The following CPA6 variants were observed in gnomAD, a reference collection of about 807,000 sequenced individuals.
CPA6 encodes the protein carboxypeptidase B.
A neutral mutation model predicts 63.3 loss-of-function variants in CPA6; 58 were observed. The observed-to-expected ratio is 0.92, with a 90% CI of 0.74 to 1.14. The LOEUF (loss-of-function observed/expected upper bound fraction) is 1.14. Among genes scored for constraint, CPA6 ranks in the 50% most tolerant of loss-of-function variants. CPA6 has a pLI of 0.00. For synonymous variants in CPA6, 185 were observed against 179.0 expected (o/e 1.03, Z -0.27); for missense variants, 565 against 526.6 (o/e 1.07, Z -0.71).
At chr8:67,733,763 C>T (rs756279135) in intron 1 of CPA6, among the ~76,000 whole-genome samples, 1 of 101,214 alleles carries the variant, frequency 9.9e-6, no homozygotes, top group East Asian at 3.2e-4. Context: ...GAGTGGGGGG[C>T]GGTGGGGGCG....
In CPA6 at chr8:67,506,904, T is replaced by C. The variant is rs1811941404; in HGVS notation, c.535-16A>G. On this transcript the variant is annotated splice_polypyrimidine_tract_variant and intron_variant, in intron 5 of 10. Coordinates refer to ENST00000297770, the MANE Select transcript of CPA6 (RefSeq NM_020361.5). ...GTCTGCCCAGCTGAAAACAAGAGCA[T>C]TCACAGTAACCAACTCAGGCTTTTA... 6.3e-7 allele frequency: 1 copy of C among 1,581,004 alleles called. No homozygotes were observed. The highest frequency in any genetic ancestry group is 8.7e-7 in the Non-Finnish European group (1 of 1,149,992).
intron 2 of CPA6, among the ~76,000 whole-genome samples, chr8:67,560,160 G>GAT (rs6150633): frequency 0.027 from 3,788 of 139,952 alleles, 114 homozygotes; most frequent in African/African-American, 0.052. Flanking sequence ...TGTATTTCCG[G>GAT]ATATATATAT....
intron 2 of CPA6, among the ~76,000 whole-genome samples, chr8:67,586,327 C>T (rs1324499735): frequency 6.6e-6 from 1 of 152,068 alleles, no homozygotes; most frequent in East Asian, 1.9e-4. Flanking sequence ...TGGGGACTCA[C>T]AGGTGAAGTC....
At chr8:67,721,215 C>A (rs1436928738) in intron 1 of CPA6, among the ~76,000 whole-genome samples, 13 of 152,206 alleles carry the variant, frequency 8.5e-5, no homozygotes, top group African/African-American at 3.1e-4. Flanking sequence ...AAGGTCCTCT[C>A]GGACTTTGTT....
Position 67,746,307 on chromosome 8 carries a change from G to A in CPA6, c.-178C>T. 2.1e-6 allele frequency: 1 copy of A among 472,930 alleles called. No homozygotes were observed. Among genetic ancestry groups the A allele is most frequent in the Non-Finnish European group, 3.8e-6 (1 of 259,866 alleles). The allele number at this position is 472,930 out of a possible 1,614,324, so 29.3% of individuals were successfully genotyped here. ...ACAAGGGAAAAAAAAAGTTCAGGCAGCTGAGGAAGGGAAGTTGCTATTACG... is the reference window on the plus strand; with the variant it reads ...ACAAGGGAAAAAAAAAGTTCAGGCAACTGAGGAAGGGAAGTTGCTATTACG... On this transcript the variant is annotated 5_prime_UTR_variant, in exon 1 of 11. Transcript: ENST00000297770.
intron 6 of CPA6, among the ~76,000 whole-genome samples, chr8:67,494,294 C>T (rs1397346930): frequency 1.3e-5 from 2 of 152,082 alleles, no homozygotes; most frequent in African/African-American, 4.8e-5. Flanking sequence ...TCAGGGCTAT[C>T]AGTCATTCCT....
At position 67,528,418 on chromosome 8, in the gene CPA6, C is replaced by T. The variant is rs74820425; in HGVS notation, c.193-10371G>A. On this transcript the variant is annotated intron_variant, in intron 2 of 10. Coordinates refer to ENST00000297770, the MANE Select transcript of CPA6 (RefSeq NM_020361.5). ...TTGGCGTTTACCTGAGCCCTGTGAT[C>T]CTAAAAGACAAAGGCAGTTATATAA... Among the ~76,000 whole-genome samples, 1,439 of 152,198 alleles carry T rather than the reference C, an allele frequency of 9.5e-3. 22 individuals carry two copies. The highest frequency in any genetic ancestry group is 0.033 in the African/African-American group (1,356 of 41,520).
intron 10 of CPA6, among the ~76,000 whole-genome samples, chr8:67,423,745 T>C (rs1299870300): frequency 2.0e-5 from 3 of 152,320 alleles, no homozygotes; most frequent in African/African-American, 7.2e-5. Flanking sequence ...CTTTTCTAGT[T>C]CTCTACTTAC....
intron 2 of CPA6, among the ~76,000 whole-genome samples, chr8:67,531,283 T>C (rs949518345): frequency 6.6e-6 from 1 of 152,100 alleles, no homozygotes; most frequent in Non-Finnish European, 1.5e-5. Context: ...GATATATCAG[T>C]AAGCACAGTA....
Position 67,643,577 on chromosome 8 carries a change from ACAAGGCTACCGGTAACCT to A in CPA6, c.117-19344_117-19327del, listed in dbSNP as rs555316952. On this transcript the variant is annotated intron_variant, in intron 1 of 10. Coordinates refer to ENST00000297770, the MANE Select transcript of CPA6 (RefSeq NM_020361.5). Reference sequence around the variant, plus strand: ...TTTTTAAATCAACTGAGCAATAAAAACAAGGCTACCGGTAACCTCAGAAGGAAGGGGAGAGGGAAAGAG... The same window carrying A: ...TTTTTAAATCAACTGAGCAATAAAAACAGAAGGAAGGGGAGAGGGAAAGAG... Among the ~76,000 whole-genome samples, 14 of 152,304 alleles carry A rather than the reference ACAAGGCTACCGGTAACCT, an allele frequency of 9.2e-5. No individual in the cohort carries two copies. In the East Asian group the frequency reaches 2.7e-3, roughly 29 times the overall value.
At chr8:67,541,518 C>T (rs1465598373) in intron 2 of CPA6, among the ~76,000 whole-genome samples, 2 of 152,084 alleles carry the variant, frequency 1.3e-5, no homozygotes, top group African/African-American at 4.8e-5. Context: ...CAGTCACATA[C>T]CCCCTGCTTG....
At chr8:67,522,787 T>C (rs1812286521) in intron 2 of CPA6, among the ~76,000 whole-genome samples, 1 of 152,258 alleles carries the variant, frequency 6.6e-6, no homozygotes, top group South Asian at 2.1e-4. Flanking sequence ...AGTTGCAGCA[T>C]GCCTGGTCCA....
intron 8 of CPA6, among the ~76,000 whole-genome samples, chr8:67,459,920 C>A (rs1810762650): frequency 6.6e-6 from 1 of 152,140 alleles, no homozygotes; most frequent in Non-Finnish European, 1.5e-5. Context: ...GGAGGCTATG[C>A]ATGTGTAGGG....
At chr8:67,610,724 T>C (rs902915279) in intron 2 of CPA6, among the ~76,000 whole-genome samples, 14 of 152,248 alleles carry the variant, frequency 9.2e-5, no homozygotes, top group Admixed American at 5.9e-4. Flanking sequence ...ATGTCCAGTG[T>C]CCTTTCTCAC....
chr8:67,655,451 G>A lies in CPA6; in HGVS notation c.117-31200C>T, dbSNP rs190330273. ...TAGGAGAAAAGGATTTTGATGGAAAGGGATGAGGAACTATGTCCTTCTTGA... is the reference window on the plus strand; with the variant it reads ...TAGGAGAAAAGGATTTTGATGGAAAAGGATGAGGAACTATGTCCTTCTTGA... On this transcript the variant is annotated intron_variant, in intron 1 of 10. Transcript: ENST00000297770. Among the ~76,000 whole-genome samples the A allele has an allele frequency of 3.0e-3, 459 of 152,236 alleles. 1 individual carries two copies. Among genetic ancestry groups the A allele is most frequent in the African/African-American group, 0.011 (443 of 41,556 alleles).
intron 1 of CPA6, among the ~76,000 whole-genome samples, chr8:67,734,475 T>A (rs1817777017): frequency 7.1e-6 from 1 of 139,974 alleles, no homozygotes; most frequent in South Asian, 2.2e-4. Context: ...ACATTAAGAT[T>A]TCTGTCAGAT....
At chr8:67,693,708 C>A (rs543410670) in intron 1 of CPA6, among the ~76,000 whole-genome samples, 1 of 152,316 alleles carries the variant, frequency 6.6e-6, no homozygotes, top group Middle Eastern at 3.4e-3. Flanking sequence ...CCTCACCAGA[C>A]CCCAAATCTG....
chr8:67,528,328 G>T (rs1812407445), intron 2 of CPA6, among the ~76,000 whole-genome samples: 1 of 152,170 alleles, frequency 6.6e-6, no homozygotes, highest in African/African-American at 2.4e-5. Flanking sequence ...CCATTCAGAG[G>T]CTTCCATGCA....
chr8:67,530,045 C>T (rs1056213102), intron 2 of CPA6, among the ~76,000 whole-genome samples: 1 of 152,038 alleles, frequency 6.6e-6, no homozygotes, highest in African/African-American at 2.4e-5. Flanking sequence ...TTAATAAGTG[C>T]AATTGATGTT....
Sources: allele counts gnomAD v4.1 joint callset (sites outside exome capture counted in the v4.1 genomes callset), GRCh38; gene constraint gnomAD v4.1.1; transcripts MANE v1.5; gene names NCBI Gene and HGNC (gene_info 2026-07-23, HGNC 2026-07-21).